RIN2: variants seen among roughly 807,000 people sequenced by gnomAD.
RIN2 encodes the protein RAB5 interacting protein 2.
In RIN2, 36 loss-of-function variants were observed where a neutral mutation model predicts 78.0. That is an observed-to-expected ratio of 0.46 (90% CI 0.35 to 0.61). RIN2 has a LOEUF of 0.61. Among genes scored for constraint, RIN2 ranks in the 20% least tolerant of loss-of-function variants. The pLI, the probability that RIN2 is intolerant of heterozygous loss-of-function variation, is 0.00. For missense variants in RIN2, 1,087 were observed against 1,159.7 expected, an observed-to-expected ratio of 0.94 and a Z score of 0.91; for synonymous variants, 466 against 466.8, an observed-to-expected ratio of 1.00 and a Z score of 0.02.
chr20:19,900,780 G>C (rs145130754), intron 3 of RIN2, among the ~76,000 whole-genome samples: 3 of 151,340 alleles, frequency 2.0e-5, no homozygotes, highest in Non-Finnish European at 4.4e-5. Flanking sequence ...GATAAACCTC[G>C]TCTCTACTAA....
At chr20:19,945,472 G>T (rs2041053658) in intron 4 of RIN2, among the ~76,000 whole-genome samples, 1 of 152,140 alleles carries the variant, frequency 6.6e-6, no homozygotes, top group African/African-American at 2.4e-5. Flanking sequence ...GCACTTTCCT[G>T]CCAGGACTGT....
rs2042081540 is a variant in RIN2 at position 19,970,840 on chromosome 20, A to T, written c.539A>T (p.Asp180Val). 1.2e-6 allele frequency: 2 copies of T among 1,610,112 alleles called. No individual in the cohort carries two copies. Among genetic ancestry groups the T allele is most frequent in the Non-Finnish European group, 1.7e-6 (2 of 1,176,782 alleles). ...TCTCTCTTTTTCTGAACAATCAGGG[A>T]TGTTCTACCATTTACCTTGAAGTTG... ...RLIAFYCISR[D>V]VLPFTLKLPY... Residue 180 changes from aspartate (D) to valine (V), a missense_variant and splice_region_variant, in exon 8 of 13, where the codon GAT becomes GTT. Asp to Val is a radical substitution (Grantham distance 152, BLOSUM62 -3). Around this residue, in one of 8 missense-constraint regions of RIN2, gnomAD observed 706 missense variants for 667.5 expected, o/e 1.06. Coordinates refer to ENST00000255006, the MANE Select transcript of RIN2 (RefSeq NM_018993.4).
At chr20:19,820,614 C>A (rs2035897985) in intron 2 of RIN2, among the ~76,000 whole-genome samples, 1 of 152,106 alleles carries the variant, frequency 6.6e-6, no homozygotes, top group South Asian at 2.1e-4. Flanking sequence ...CCTGAGCCAG[C>A]CCAGCCTCAG....
At chr20:19,983,309 G>T (rs2146354743) in intron 9 of RIN2, among the ~76,000 whole-genome samples, 1 of 152,326 alleles carries the variant, frequency 6.6e-6, no homozygotes, top group Non-Finnish European at 1.5e-5. Context: ...GTCGGAAATA[G>T]AAGTTACCTG....
chr20:19,934,772 C>A (rs1248677781), intron 3 of RIN2, among the ~76,000 whole-genome samples: 1 of 152,058 alleles, frequency 6.6e-6, no homozygotes, highest in East Asian at 1.9e-4. Flanking sequence ...TTATTCCCGT[C>A]TATATTCATG....
At chr20:19,879,403 G>A (rs1230504977) in intron 2 of RIN2, among the ~76,000 whole-genome samples, 2 of 152,158 alleles carry the variant, frequency 1.3e-5, no homozygotes, top group African/African-American at 4.8e-5. Context: ...CCTGTTATCG[G>A]CACATTTACT....
upstream of RIN2, chr20:19,758,027 GCCT>G (rs1283577456): frequency 6.6e-6 from 1 of 152,336 alleles, no homozygotes; most frequent in African/African-American, 2.4e-5. Flanking sequence ...TCGCGCAGGC[GCCT>G]TGGTCGCTGC....
intron 3 of RIN2, among the ~76,000 whole-genome samples, chr20:19,929,760 A>T (rs930535955): frequency 2.6e-5 from 4 of 152,184 alleles, no homozygotes; most frequent in Non-Finnish European, 4.4e-5. Flanking sequence ...AAAGAAGGAA[A>T]TTTTGAAGAA....
intron 5 of RIN2, among the ~76,000 whole-genome samples, chr20:19,957,331 G>A (rs538048405): frequency 8.5e-4 from 130 of 152,294 alleles, no homozygotes; most frequent in African/African-American, 2.9e-3. Context: ...GTCTATCCAA[G>A]ACCACTGTCC....
At chr20:19,861,002 C>CTA (rs2037316304) in intron 2 of RIN2, among the ~76,000 whole-genome samples, 1 of 152,130 alleles carries the variant, frequency 6.6e-6, no homozygotes, top group African/African-American at 2.4e-5. Flanking sequence ...ATTACAAATC[C>CTA]TATGATAACA....
chr20:19,948,523 T>C, intron 4 of RIN2, among the ~76,000 whole-genome samples: 1 of 152,116 alleles, frequency 6.6e-6, no homozygotes, highest in Non-Finnish European at 1.5e-5. Context: ...GCCTCCCGAG[T>C]AGCTGGGACT....
At chr20:19,891,577 G>T (rs1253297622) in intron 3 of RIN2, among the ~76,000 whole-genome samples, 1 of 152,188 alleles carries the variant, frequency 6.6e-6, no homozygotes, top group Admixed American at 6.5e-5. Flanking sequence ...CCAGCACTTT[G>T]GGAGGCCTAG....
At chr20:19,963,782 T>C (rs906844262) in intron 6 of RIN2, among the ~76,000 whole-genome samples, 1 of 151,850 alleles carries the variant, frequency 6.6e-6, no homozygotes, top group Non-Finnish European at 1.5e-5. Flanking sequence ...TCATGAGTAT[T>C]TGAAGTCAGA....
intron 2 of RIN2, among the ~76,000 whole-genome samples, chr20:19,805,467 T>A (rs2035378737): frequency 6.6e-6 from 1 of 152,188 alleles, no homozygotes; most frequent in African/African-American, 2.4e-5. Flanking sequence ...AGTGGTGCGA[T>A]CTCGGCTCAC....
At chr20:19,888,922 C>T (rs552588784) in intron 2 of RIN2, among the ~76,000 whole-genome samples, 1 of 152,242 alleles carries the variant, frequency 6.6e-6, no homozygotes, top group Non-Finnish European at 1.5e-5. Context: ...TGTGTTGTTA[C>T]CCTGCCTCTG....
At chr20:19,986,978 A>T (rs199602) in intron 9 of RIN2, among the ~76,000 whole-genome samples, 51,688 of 152,108 alleles carry the variant, frequency 0.34, 9,974 homozygotes, top group South Asian at 0.45. Context: ...GACTGCCATC[A>T]TGACTTCTGT....
chr20:19,975,649 G>C lies in RIN2; in HGVS notation c.1624G>C (p.Glu542Gln). ...LVQDYVSFLQ[E>Q]NKECHVSSTD... is the part of the protein sequence containing the mutation. ...GCAGGACTACGTGAGCTTCCTGCAG[G>C]AGAACAAGGAGTGCCACGTGTCCAG... Residue 542 changes from glutamate to glutamine, a missense_variant, in exon 9 of 13, where the codon GAG becomes CAG. This residue lies in a region of RIN2 where 34 missense variants were observed against 46.1 expected (regional missense o/e 0.74). Transcript: ENST00000255006. The surrounding 1 kb of genome is among the most constrained non-coding windows in gnomAD (Gnocchi z 4.9). 1 of 1,613,758 alleles carries C rather than the reference G, an allele frequency of 6.2e-7. No homozygotes were observed. The highest frequency in any genetic ancestry group is 1.1e-5 in the South Asian group (1 of 91,074).
At chr20:19,917,751 T>A (rs962932443) in intron 3 of RIN2, among the ~76,000 whole-genome samples, 1 of 138,380 alleles carries the variant, frequency 7.2e-6, no homozygotes, top group African/African-American at 2.9e-5. Flanking sequence ...ATACTGTACA[T>A]CTCAAGAAAT....
intron 2 of RIN2, among the ~76,000 whole-genome samples, chr20:19,832,557 C>T (rs1053585357): frequency 1.3e-5 from 2 of 151,874 alleles, no homozygotes; most frequent in Non-Finnish European, 2.9e-5. Flanking sequence ...CATGACCCAC[C>T]AGCCCTGATC....
Sources: allele counts gnomAD v4.1 joint callset (sites outside exome capture counted in the v4.1 genomes callset), GRCh38; gene constraint gnomAD v4.1.1; regional missense constraint gnomAD v4.1.1; non-coding constraint Gnocchi (gnomAD v3.1); transcripts MANE v1.5; gene names NCBI Gene and HGNC (gene_info 2026-07-23, HGNC 2026-07-21).